Variants in NEK11 observed in about 807,000 individuals in gnomAD.
The protein encoded by NEK11 is serine/threonine-protein kinase Nek11.
Under a neutral mutation model 80.7 loss-of-function variants are expected in NEK11, and 72 were observed. That is an observed-to-expected ratio of 0.89 (90% CI 0.74 to 1.08). The LOEUF is 1.08. Among genes scored for constraint, NEK11 ranks in the 50% least tolerant of loss-of-function variants. The probability of loss-of-function intolerance (pLI) is 0.00; values close to 1 mark genes in which losing one functional copy is unlikely to be tolerated. For synonymous variants in NEK11, 251 were observed against 260.7 expected (o/e 0.96, Z 0.36); for missense variants, 764 against 763.6 (o/e 1.00, Z -0.01).
rs2089839476 is a variant in NEK11, at chr3:131,152,417, G to T, written c.677G>T (p.Cys226Phe). ...WSLACILYEM[C>F]CMNHAFAGSN... ...CTGGCATGCATTTTGTATGAGATGTGCTGCATGAATCATGCATTCGCTGGC... is the reference window on the plus strand; with the variant it reads ...CTGGCATGCATTTTGTATGAGATGTTCTGCATGAATCATGCATTCGCTGGC... Residue 226 changes from cysteine (C) to phenylalanine (F), a missense_variant, in exon 8 of 18, where the codon TGC becomes TTC. By Grantham distance (205) the Cys-to-Phe change is radical (BLOSUM62 -2). Coordinates refer to ENST00000383366, the MANE Select transcript of NEK11 (RefSeq NM_024800.5). 1 of 1,612,898 alleles carries T rather than the reference G, an allele frequency of 6.2e-7. No homozygotes were observed. Among genetic ancestry groups the T allele is most frequent in the South Asian group, 1.1e-5 (1 of 90,880 alleles).
At chr3:131,237,209 A>G (rs190424802) in intron 15 of NEK11, among the ~76,000 whole-genome samples, 2 of 152,220 alleles carry the variant, frequency 1.3e-5, no homozygotes, top group Admixed American at 6.5e-5. Context: ...GCATGGTGGC[A>G]TGGTGGCACT....
At chr3:131,292,050 T>C (rs1334164194) in intron 17 of NEK11, among the ~76,000 whole-genome samples, 1 of 152,228 alleles carries the variant, frequency 6.6e-6, no homozygotes, top group East Asian at 1.9e-4. Context: ...TTTATAGTCT[T>C]GCACTTTACA....
chr3:131,072,411 A>G (rs1209251065), intron 3 of NEK11: 1 of 152,188 alleles, frequency 6.6e-6, no homozygotes, highest in East Asian at 1.9e-4. Context: ...GATTCACCAC[A>G]GGAACTAGGG....
intron 17 of NEK11, among the ~76,000 whole-genome samples, chr3:131,333,256 A>G (rs1582192284): frequency 3.3e-5 from 5 of 152,216 alleles, no homozygotes; most frequent in Admixed American, 3.3e-4. Flanking sequence ...CCATCAGACT[A>G]CCAGCGGATC....
At chr3:131,323,243 A>G (rs1251336134) in intron 17 of NEK11, among the ~76,000 whole-genome samples, 1 of 152,258 alleles carries the variant, frequency 6.6e-6, no homozygotes, top group Non-Finnish European at 1.5e-5. Flanking sequence ...ATTTCTAGGC[A>G]AAAAGCTTTA....
chr3:131,063,047 C>T (rs538578944), intron 3 of NEK11, among the ~76,000 whole-genome samples: 3 of 152,302 alleles, frequency 2.0e-5, no homozygotes, highest in South Asian at 4.1e-4. Flanking sequence ...TTTTAAGAGA[C>T]AGACTTTTGC....
intron 7 of NEK11, among the ~76,000 whole-genome samples, chr3:131,149,331 A>G (rs552010325): frequency 2.6e-3 from 401 of 152,176 alleles, no homozygotes; most frequent in African/African-American, 9.3e-3. Flanking sequence ...TTATGGCTGC[A>G]TAATATTCCA....
chr3:131,033,593 A>G (rs111876539), intron 3 of NEK11, among the ~76,000 whole-genome samples: 2,645 of 152,336 alleles, frequency 0.017, 76 homozygotes, highest in African/African-American at 0.061. Flanking sequence ...AGAACTTGAC[A>G]AAATGGAACA....
intron 15 of NEK11, among the ~76,000 whole-genome samples, chr3:131,238,536 T>C (rs574542316): frequency 9.2e-5 from 14 of 152,090 alleles, no homozygotes; most frequent in Admixed American, 2.6e-4. Flanking sequence ...GCTGAAGTGA[T>C]AGAGGAATGG....
chr3:131,082,626 T>C (rs2075434564), intron 4 of NEK11, among the ~76,000 whole-genome samples: 1 of 152,230 alleles, frequency 6.6e-6, no homozygotes, highest in Non-Finnish European at 1.5e-5. Context: ...AATAACCATA[T>C]GTGGCTCCTC....
intron 3 of NEK11, among the ~76,000 whole-genome samples, chr3:131,049,002 A>G (rs1369507948): frequency 5.3e-5 from 8 of 152,316 alleles, no homozygotes; most frequent in East Asian, 3.9e-4. Flanking sequence ...TGCTCCGCCT[A>G]CGGAAGACTT....
chr3:131,268,956 A>G (rs1239447032), intron 16 of NEK11, among the ~76,000 whole-genome samples: 2 of 152,074 alleles, frequency 1.3e-5, no homozygotes, highest in African/African-American at 2.4e-5. Context: ...TTTTTCGGTG[A>G]TGCCCTGCCC....
chr3:131,056,247 G>A (rs1025269798), intron 3 of NEK11, among the ~76,000 whole-genome samples: 1 of 152,212 alleles, frequency 6.6e-6, no homozygotes, highest in Non-Finnish European at 1.5e-5. Context: ...GGGCGCTATG[G>A]AATTGGAATA....
At chr3:131,208,058 G>A (rs1315100307) in intron 14 of NEK11, among the ~76,000 whole-genome samples, 3 of 152,130 alleles carry the variant, frequency 2.0e-5, no homozygotes, top group Non-Finnish European at 2.9e-5. Context: ...TGTCCTGAAT[G>A]GTAATGCCTA....
At chr3:131,037,410 C>T (rs1577273160) in intron 3 of NEK11, among the ~76,000 whole-genome samples, 1 of 151,858 alleles carries the variant, frequency 6.6e-6, no homozygotes, top group South Asian at 2.1e-4. Flanking sequence ...CAGCCTCCTG[C>T]ATAGCTGGGA....
chr3:131,289,742 A>G (rs1349076383), intron 17 of NEK11, among the ~76,000 whole-genome samples: 7 of 152,186 alleles, frequency 4.6e-5, no homozygotes, highest in Admixed American at 4.6e-4. Context: ...CACAGCTTGT[A>G]TCTCAGCAAC....
At chr3:131,228,456 A>T (rs886702704) in intron 14 of NEK11, 72 bp from the exon 15 acceptor site, 133 of 1,334,908 alleles carry the variant, frequency 1.0e-4, no homozygotes, top group Non-Finnish European at 1.3e-4. Context: ...ATCCCTGTGA[A>T]AAGATACAGT....
At chr3:131,046,842 T>C (rs2067476395) in intron 3 of NEK11, among the ~76,000 whole-genome samples, 1 of 152,244 alleles carries the variant, frequency 6.6e-6, no homozygotes, top group African/African-American at 2.4e-5. Flanking sequence ...CCTAGATCTC[T>C]AGCAAGGCCA....
intron 7 of NEK11, among the ~76,000 whole-genome samples, chr3:131,136,741 A>G (rs2085664994): frequency 6.6e-6 from 1 of 152,220 alleles, no homozygotes; most frequent in African/African-American, 2.4e-5. Flanking sequence ...AGTTAGGATA[A>G]TTAGGTTTAC....
Sources: allele counts gnomAD v4.1 joint callset (sites outside exome capture counted in the v4.1 genomes callset), GRCh38; gene constraint gnomAD v4.1.1; transcripts MANE v1.5; gene names NCBI Gene and HGNC (gene_info 2026-07-23, HGNC 2026-07-21).